Variants in MICAL3 observed in about 807,000 individuals in gnomAD.
The protein encoded by MICAL3 is [F-actin]-monooxygenase MICAL3.
A neutral mutation model predicts 207.4 loss-of-function variants in MICAL3; 62 were observed. The observed-to-expected ratio is 0.30, with a 90% CI of 0.24 to 0.37. MICAL3 has a LOEUF of 0.37. MICAL3 is among the 10% of genes least tolerant of loss of function. The pLI is 1.00. For missense variants in MICAL3, 2,368 were observed against 2,635.6 expected, an observed-to-expected ratio of 0.90 and a Z score of 2.22; for synonymous variants, 1,077 against 1,069.3, an observed-to-expected ratio of 1.01 and a Z score of -0.14.
chr22:17,862,854 T>C lies in MICAL3; in HGVS notation c.2605+2045A>G, dbSNP rs926873176. ...GCTCACTGGCCTTTGCCACCCAAGC[T>C]GGGGGACAGTGCCTGTCATTAACTG... On this transcript the variant is annotated intron_variant, in intron 19 of 31. Coordinates refer to ENST00000441493, the MANE Select transcript of MICAL3 (RefSeq NM_015241.3). The C allele has an allele frequency of 6.1e-6, 6 of 985,374 alleles. No individual in the cohort carries two copies. The African/African-American group carries it at 1.0e-4, about 17-fold the overall frequency. The allele number at this position is 985,374 out of a possible 1,614,324, so 61.0% of individuals were successfully genotyped here. A position where few individuals can be genotyped will look rare whatever the true frequency, so the allele number is the denominator to read the frequency against.
chr22:17,999,544 A>G (rs1922690423), intron 1 of MICAL3, among the ~76,000 whole-genome samples: 1 of 152,240 alleles, frequency 6.6e-6, no homozygotes, highest in African/African-American at 2.4e-5. Context: ...AACATCTGCT[A>G]CGTGCCAAGG....
rs749553912 is a variant in MICAL3, at chr22:17,895,248, T to C, written c.1449+36A>G. The C allele has an allele frequency of 3.7e-6, 6 of 1,608,814 alleles. No individual in the cohort carries two copies. The South Asian group carries it at 5.6e-5, about 15-fold the overall frequency. On this transcript the variant is annotated intron_variant, in intron 10 of 31. Transcript: ENST00000441493. ...TCAGAATTCTCATTGGTCCTGCAGA[T>C]GGGCCCAGATGTAAATACTGACAAG...
intron 1 of MICAL3, among the ~76,000 whole-genome samples, chr22:17,969,365 G>C (rs1191718075): frequency 6.6e-6 from 1 of 152,212 alleles, no homozygotes; most frequent in African/African-American, 2.4e-5. Flanking sequence ...AGAAATACAT[G>C]TGCTTTTCTC....
At chr22:17,814,476 C>A (rs2062081350) in intron 27 of MICAL3, 1 of 152,206 alleles carries the variant, frequency 6.6e-6, no homozygotes, top group Non-Finnish European at 1.5e-5. Context: ...AGGAACTTAA[C>A]AATTTGATAA....
intron 1 of MICAL3, among the ~76,000 whole-genome samples, chr22:17,990,770 T>C (rs1207177216): frequency 4.6e-5 from 7 of 152,200 alleles, no homozygotes; most frequent in Admixed American, 2.0e-4. Context: ...CTCTGTAAGA[T>C]TGTCATGAGG....
At chr22:17,987,657 G>A (rs1012168515) in intron 1 of MICAL3, among the ~76,000 whole-genome samples, 1 of 152,230 alleles carries the variant, frequency 6.6e-6, no homozygotes, top group Admixed American at 6.5e-5. Context: ...AGAGATGCTA[G>A]CTTCAAAGAC....
At chr22:17,940,843 C>G (rs1003321158) in intron 1 of MICAL3, among the ~76,000 whole-genome samples, 1 of 152,080 alleles carries the variant, frequency 6.6e-6, no homozygotes, top group African/African-American at 2.4e-5. Flanking sequence ...CATCAAATAG[C>G]TCAAGAGGTA....
chr22:17,860,957 A>G (rs1926457726), intron 19 of MICAL3: 1 of 983,988 alleles, frequency 1.0e-6, no homozygotes, highest in Non-Finnish European at 1.2e-6. Context: ...ATATAAATAA[A>G]TATCTACCCA....
intron 29 of MICAL3, among the ~76,000 whole-genome samples, chr22:17,804,105 CTGTGGGGAGTCAA>C (rs2061966573): frequency 6.6e-6 from 1 of 152,220 alleles, no homozygotes; most frequent in Non-Finnish European, 1.5e-5. Flanking sequence ...CTAAAACTCA[CTGTGGGGAGTCAA>C]TGGTCACTAT....
At chr22:17,820,164 T>G (rs186371043) in intron 25 of MICAL3, among the ~76,000 whole-genome samples, 120 of 147,534 alleles carry the variant, frequency 8.1e-4, no homozygotes, top group South Asian at 3.0e-3. Flanking sequence ...AAAAAATCAC[T>G]GAATAGTTCC....
intron 19 of MICAL3, among the ~76,000 whole-genome samples, chr22:17,853,074 C>CA (rs35015407): frequency 0.073 from 8,209 of 112,838 alleles, 395 homozygotes; most frequent in African/African-American, 0.16. Flanking sequence ...GACTCCATCT[C>CA]AAAAAAAAAA....
At chr22:17,978,162 G>A (rs920197397) in intron 1 of MICAL3, among the ~76,000 whole-genome samples, 4 of 152,178 alleles carry the variant, frequency 2.6e-5, no homozygotes, top group Non-Finnish European at 5.9e-5. Context: ...CTACTGAATG[G>A]ATAAAGAAAA....
intron 19 of MICAL3, among the ~76,000 whole-genome samples, chr22:17,846,508 A>G (rs1924646775): frequency 6.6e-6 from 1 of 152,218 alleles, no homozygotes; most frequent in South Asian, 2.1e-4. Context: ...AAACCAAGAT[A>G]GTGAGAGCGG....
At chr22:17,893,777 T>C (rs892065386) in intron 11 of MICAL3, 31 bp downstream of exon 11, 2 of 1,485,024 alleles carry the variant, frequency 1.3e-6, no homozygotes, top group African/African-American at 1.4e-5. Context: ...AGGGGCTGCC[T>C]GCATTTTAAA....
intron 1 of MICAL3, among the ~76,000 whole-genome samples, chr22:18,008,814 C>T (rs1404735423): frequency 3.3e-5 from 5 of 151,696 alleles, no homozygotes; most frequent in African/African-American, 9.7e-5. Flanking sequence ...TGGCTCCACC[C>T]GTAGTCCCGG....
chr22:18,023,386 G>A (rs931204110), intron 1 of MICAL3, among the ~76,000 whole-genome samples: 3 of 152,118 alleles, frequency 2.0e-5, no homozygotes, highest in African/African-American at 4.8e-5. Context: ...GCACCACAGG[G>A]CCCAGCCTTT....
intron 7 of MICAL3, among the ~76,000 whole-genome samples, chr22:17,898,664 C>T (rs1047991820): frequency 1.3e-5 from 2 of 152,224 alleles, no homozygotes; most frequent in Non-Finnish European, 2.9e-5. Flanking sequence ...TTTCTCATCG[C>T]ATGGGGACAG....
intron 1 of MICAL3, among the ~76,000 whole-genome samples, chr22:17,936,496 GCA>G (rs1195261307): frequency 6.6e-6 from 1 of 151,422 alleles, no homozygotes; most frequent in African/African-American, 2.4e-5. Context: ...GATGGGTGCA[GCA>G]AACCAACATG....
chr22:17,963,217 G>A (rs868031911), intron 1 of MICAL3, among the ~76,000 whole-genome samples: 38 of 151,862 alleles, frequency 2.5e-4, no homozygotes, highest in Admixed American at 2.0e-4. Context: ...GGCTCAAGTG[G>A]TCCTCCCACC....
Sources: gnomAD v4.1 joint callset for allele counts (sites outside exome capture counted in the v4.1 genomes callset) on GRCh38, gnomAD v4.1.1 for gene constraint, MANE v1.5 for transcripts, NCBI Gene and HGNC (gene_info 2026-07-23, HGNC 2026-07-21) for gene names.